Variants in RBMS3 observed in about 807,000 individuals in gnomAD.
RBMS3 encodes RNA-binding motif, single-stranded-interacting protein 3.
RBMS3 carries 27 observed loss-of-function variants against 66.8 expected under a neutral mutation model. The ratio of observed to expected loss-of-function variants is 0.40; its 90% CI spans 0.30 to 0.56. The LOEUF is 0.56. Ranked by LOEUF, RBMS3 falls within the 20% of genes least tolerant of loss-of-function variation. The pLI is 0.40. For missense variants in RBMS3, 513 were observed against 549.5 expected (o/e 0.93, Z 0.66); for synonymous variants, 188 against 183.0 (o/e 1.03, Z -0.22).
intron 1 of RBMS3, among the ~76,000 whole-genome samples, chr3:29,431,975 A>G (rs1404300310): frequency 6.6e-6 from 1 of 151,908 alleles, no homozygotes; most frequent in African/African-American, 2.4e-5. Flanking sequence ...CAGTCCACCC[A>G]TCTCAGCCTC....
chr3:29,362,622 G>A (rs759334917), intron 1 of RBMS3, among the ~76,000 whole-genome samples: 3 of 152,124 alleles, frequency 2.0e-5, no homozygotes, highest in Non-Finnish European at 4.4e-5. Context: ...ACTCACACTG[G>A]GAGCTGTAGA....
rs571162590 is a variant in RBMS3, at chr3:29,371,017, C to G, written c.76-63726C>G. ...GTCTGAATGTCATGATTGCTAATGT[C>G]ATTTTCATGATTTTATTTTTAAGCG... On this transcript the variant is annotated intron_variant, in intron 1 of 14. Coordinates refer to ENST00000383767, the MANE Select transcript of RBMS3 (RefSeq NM_001003793.3). Among the ~76,000 whole-genome samples, 21 of 152,300 alleles carry G rather than the reference C, an allele frequency of 1.4e-4. No homozygotes were observed. In the South Asian group the frequency reaches 4.3e-3, roughly 32 times the overall value.
intron 3 of RBMS3, among the ~76,000 whole-genome samples, chr3:29,514,667 A>ATATGTG (rs2044546577): frequency 1.4e-5 from 2 of 144,182 alleles, no homozygotes; most frequent in African/African-American, 5.2e-5. Context: ...ATATATATAT[A>ATATGTG]TATATATATA....
chr3:29,657,797 C>T (rs1480296343), intron 4 of RBMS3, among the ~76,000 whole-genome samples: 4 of 152,118 alleles, frequency 2.6e-5, no homozygotes, highest in Non-Finnish European at 4.4e-5. Flanking sequence ...TGATGTGACT[C>T]TTAATGATTG....
chr3:29,771,812 G>A (rs1020744923), intron 6 of RBMS3, among the ~76,000 whole-genome samples: 19 of 151,976 alleles, frequency 1.3e-4, no homozygotes, highest in Admixed American at 9.2e-4. Context: ...GCAGGAGGAA[G>A]AGAGTGAAGG....
At chr3:29,300,003 T>C (rs1173315007) in intron 1 of RBMS3, among the ~76,000 whole-genome samples, 1 of 151,856 alleles carries the variant, frequency 6.6e-6, no homozygotes, top group Non-Finnish European at 1.5e-5. Context: ...GAAAATATTC[T>C]AATAATAAAA....
At chr3:29,843,187 T>C (rs926552451) in intron 6 of RBMS3, among the ~76,000 whole-genome samples, 16 of 152,242 alleles carry the variant, frequency 1.1e-4, no homozygotes, top group African/African-American at 3.6e-4. Flanking sequence ...AAAATGTATA[T>C]TGTGAACTTC....
chr3:29,575,516 T>C (rs766112403), intron 3 of RBMS3, among the ~76,000 whole-genome samples: 19 of 152,162 alleles, frequency 1.2e-4, no homozygotes, highest in Non-Finnish European at 2.2e-4. Flanking sequence ...TCTATAACTT[T>C]CTTGTGCTTG....
chr3:29,818,067 T>A (rs2057965671), intron 6 of RBMS3, among the ~76,000 whole-genome samples: 1 of 152,142 alleles, frequency 6.6e-6, no homozygotes, highest in South Asian at 2.1e-4. Context: ...TACAAAGATA[T>A]ATAAATGAAT....
Position 30,004,040 on chromosome 3 carries a change from A to G in RBMS3, c.*178A>G. Reference sequence around the variant, plus strand: ...AAGCAAAGTTTTTATGTGCTGTGCAAATGGTCTTCATGTGGTCTGACAATT... The same window carrying G: ...AAGCAAAGTTTTTATGTGCTGTGCAGATGGTCTTCATGTGGTCTGACAATT... On this transcript the variant is annotated 3_prime_UTR_variant, in exon 15 of 15. Transcript: ENST00000383767. 1 of 411,112 alleles carries G rather than the reference A, an allele frequency of 2.4e-6. No homozygotes were observed. Among genetic ancestry groups the G allele is most frequent in the Non-Finnish European group, 4.2e-6 (1 of 237,956 alleles). 25.5% of individuals were successfully genotyped at this position (411,112 alleles called of 1,614,324 possible). A position where few individuals can be genotyped will look rare whatever the true frequency, so the allele number is the denominator to read the frequency against.
intron 4 of RBMS3, among the ~76,000 whole-genome samples, chr3:29,604,528 G>A (rs1305533157): frequency 6.6e-6 from 1 of 151,886 alleles, no homozygotes; most frequent in African/African-American, 2.4e-5. Flanking sequence ...GATTTTTATT[G>A]AATGTCTCAA....
chr3:29,791,897 T>C (rs1320411651), intron 6 of RBMS3, among the ~76,000 whole-genome samples: 1 of 152,228 alleles, frequency 6.6e-6, no homozygotes, highest in East Asian at 1.9e-4. Context: ...GTTATTCTTA[T>C]ATGTAATCAT....
intron 3 of RBMS3, among the ~76,000 whole-genome samples, chr3:29,536,451 C>A (rs540941392): frequency 6.6e-6 from 1 of 152,112 alleles, no homozygotes; most frequent in South Asian, 2.1e-4. Flanking sequence ...CTTATCACTG[C>A]GTCATGTGCT....
At chr3:29,862,620 C>T (rs2149537103) in intron 6 of RBMS3, among the ~76,000 whole-genome samples, 1 of 151,694 alleles carries the variant, frequency 6.6e-6, no homozygotes, top group East Asian at 1.9e-4. Context: ...TGTGTGTGTG[C>T]ATGTGTGGTG....
chr3:29,718,269 A>C (rs2149316928), intron 4 of RBMS3, among the ~76,000 whole-genome samples: 1 of 152,214 alleles, frequency 6.6e-6, no homozygotes, highest in South Asian at 2.1e-4. Context: ...CATACATTCA[A>C]GTCTATATGC....
intron 6 of RBMS3, among the ~76,000 whole-genome samples, chr3:29,846,215 G>A (rs571519329): frequency 6.6e-6 from 1 of 151,998 alleles, no homozygotes; most frequent in African/African-American, 2.4e-5. Flanking sequence ...TTTATAAAAG[G>A]GACCATTGCA....
At chr3:29,505,131 C>T (rs1430394538) in intron 3 of RBMS3, among the ~76,000 whole-genome samples, 1 of 151,988 alleles carries the variant, frequency 6.6e-6, no homozygotes, top group Non-Finnish European at 1.5e-5. Context: ...AATAAGTGAC[C>T]AGACCAATGT....
chr3:29,665,121 TA>T (rs755552473), intron 4 of RBMS3, among the ~76,000 whole-genome samples: 7 of 152,202 alleles, frequency 4.6e-5, no homozygotes, highest in Non-Finnish European at 1.0e-4. Flanking sequence ...GAATTAAGCA[TA>T]TCCAGTCTTT....
intron 12 of RBMS3, among the ~76,000 whole-genome samples, chr3:29,984,903 C>T (rs1698266306): frequency 6.6e-6 from 1 of 152,160 alleles, no homozygotes; most frequent in Non-Finnish European, 1.5e-5. Flanking sequence ...GAGGGACCCA[C>T]TTGAGGAGGC....
Sources: allele counts gnomAD v4.1 joint callset (sites outside exome capture counted in the v4.1 genomes callset), GRCh38; gene constraint gnomAD v4.1.1; transcripts MANE v1.5; gene names NCBI Gene and HGNC (gene_info 2026-07-23, HGNC 2026-07-21).